Variants in TASP1 observed in about 807,000 individuals in gnomAD.
TASP1 encodes taspase 1, also known as threonine aspartase 1.
TASP1 carries 16 observed loss-of-function variants against 56.6 expected under a neutral mutation model. The ratio of observed to expected loss-of-function variants is 0.28; its 90% CI spans 0.19 to 0.43. The LOEUF (loss-of-function observed/expected upper bound fraction) is 0.43, where lower values mean the gene tolerates loss of function less well. TASP1 is among the 20% of genes least tolerant of loss of function. TASP1 has a pLI of 1.00. For synonymous variants in TASP1, 179 were observed against 184.2 expected, an observed-to-expected ratio of 0.97 and a Z score of 0.23; for missense variants, 393 against 511.6, an observed-to-expected ratio of 0.77 and a Z score of 2.24.
intron 12 of TASP1, among the ~76,000 whole-genome samples, chr20:13,428,375 A>G (rs568947581): frequency 6.6e-6 from 1 of 152,280 alleles, no homozygotes; most frequent in South Asian, 2.1e-4. Context: ...TTTTCACCAG[A>G]AGACTTGGTT....
At chr20:13,195,906 A>G in the TASP1 span, among the ~76,000 whole-genome samples, 1,518 of 152,326 alleles carry the variant, frequency 1.0e-2, 36 homozygotes, top group African/African-American at 0.034. Context: ...CGGGCTAACT[A>G]AGGGGTCAAG....
At chr20:13,632,828 A>G (rs1398243453) in intron 1 of TASP1, among the ~76,000 whole-genome samples, 1 of 152,248 alleles carries the variant, frequency 6.6e-6, no homozygotes, top group Non-Finnish European at 1.5e-5. Flanking sequence ...AAGAGTGCCA[A>G]CAAAAGACAA....
the TASP1 span, among the ~76,000 whole-genome samples, chr20:13,330,089 T>C: frequency 6.6e-6 from 1 of 152,040 alleles, no homozygotes; most frequent in East Asian, 1.9e-4. Flanking sequence ...CCCGAGTAGC[T>C]GGGATTACAG....
the TASP1 span, among the ~76,000 whole-genome samples, chr20:13,333,264 C>T: frequency 2.0e-5 from 3 of 152,172 alleles, no homozygotes; most frequent in Non-Finnish European, 4.4e-5. Context: ...ACACTTGACT[C>T]CCTGGGAAAT....
intron 13 of TASP1, among the ~76,000 whole-genome samples, chr20:13,413,901 A>G (rs942628836): frequency 7.2e-5 from 11 of 152,110 alleles, no homozygotes; most frequent in African/African-American, 2.7e-4. Flanking sequence ...AATATTGTCC[A>G]TATTATGGCC....
At chr20:13,469,595 C>T (rs1043986815) in intron 11 of TASP1, among the ~76,000 whole-genome samples, 6 of 152,086 alleles carry the variant, frequency 3.9e-5, no homozygotes, top group African/African-American at 1.4e-4. Context: ...TTCCCACACA[C>T]ACTGACTCAG....
intron 13 of TASP1, among the ~76,000 whole-genome samples, chr20:13,414,804 G>T (rs1021646047): frequency 1.3e-5 from 2 of 151,046 alleles, no homozygotes; most frequent in African/African-American, 4.9e-5. Context: ...TGATTTAATT[G>T]CAAGAACATT....
the TASP1 span, among the ~76,000 whole-genome samples, chr20:13,327,405 C>T: frequency 1.3e-5 from 2 of 152,002 alleles, no homozygotes; most frequent in South Asian, 2.1e-4. Context: ...AGATTCAGTG[C>T]TATCCCATTA....
At chr20:13,408,763 T>C (rs1264298242) in intron 13 of TASP1, among the ~76,000 whole-genome samples, 1 of 152,176 alleles carries the variant, frequency 6.6e-6, no homozygotes, top group Non-Finnish European at 1.5e-5. Flanking sequence ...ATCCAGTTGC[T>C]GCCTCTGTTG....
intron 6 of TASP1, among the ~76,000 whole-genome samples, chr20:13,578,795 T>C (rs2047015852): frequency 6.6e-6 from 1 of 152,198 alleles, no homozygotes; most frequent in African/African-American, 2.4e-5. Context: ...GACTTGCAGT[T>C]CTTACTGATC....
intron 10 of TASP1, among the ~76,000 whole-genome samples, chr20:13,511,931 G>T (rs748412914): frequency 1.2e-4 from 18 of 152,038 alleles, no homozygotes; most frequent in Non-Finnish European, 2.4e-4. Flanking sequence ...CAAAGGACAT[G>T]AACTCATCCT....
chr20:13,346,890 C>T, the TASP1 span, among the ~76,000 whole-genome samples: 3 of 152,194 alleles, frequency 2.0e-5, no homozygotes, highest in African/African-American at 7.2e-5. Context: ...TGCCTTTAGG[C>T]AATAATCAGG....
the TASP1 span, among the ~76,000 whole-genome samples, chr20:13,119,355 G>A: frequency 4.6e-5 from 7 of 152,230 alleles, no homozygotes; most frequent in East Asian, 3.9e-4. Context: ...AAAGGCTCGC[G>A]ACTAGCAGAA....
intron 10 of TASP1, among the ~76,000 whole-genome samples, chr20:13,522,096 C>G (rs1482333683): frequency 6.6e-6 from 1 of 152,096 alleles, no homozygotes; most frequent in Non-Finnish European, 1.5e-5. Flanking sequence ...TGCAAAGGAG[C>G]CACCGTAGCT....
At chr20:13,455,037 G>A (rs2043776270) in intron 11 of TASP1, among the ~76,000 whole-genome samples, 1 of 152,054 alleles carries the variant, frequency 6.6e-6, no homozygotes, top group Non-Finnish European at 1.5e-5. Context: ...TTGGGCTGTG[G>A]AGAATCTTTT....
At chr20:13,138,646 C>A in the TASP1 span, among the ~76,000 whole-genome samples, 4 of 152,158 alleles carry the variant, frequency 2.6e-5, no homozygotes, top group Non-Finnish European at 2.9e-5. Flanking sequence ...AATGTTATTT[C>A]TTTGGAGGTT....
intron 7 of TASP1, among the ~76,000 whole-genome samples, chr20:13,565,300 A>T (rs919793239): frequency 6.6e-6 from 1 of 152,146 alleles, no homozygotes; most frequent in African/African-American, 2.4e-5. Flanking sequence ...TTAGAAAACA[A>T]CATAGGGGAA....
the TASP1 span, among the ~76,000 whole-genome samples, chr20:13,162,858 T>C: frequency 1.2e-3 from 184 of 152,206 alleles, no homozygotes; most frequent in African/African-American, 4.2e-3. Context: ...GCCACTCCCA[T>C]CTTCCTGTCA....
chr20:13,513,490 T>C (rs2044413843), intron 10 of TASP1, among the ~76,000 whole-genome samples: 1 of 152,006 alleles, frequency 6.6e-6, no homozygotes, highest in Non-Finnish European at 1.5e-5. Context: ...AGAAGATATT[T>C]AGCTCATCTC....
Sources: gnomAD v4.1 joint callset for allele counts (sites outside exome capture counted in the v4.1 genomes callset) on GRCh38, gnomAD v4.1.1 for gene constraint, MANE v1.5 for transcripts, NCBI Gene and HGNC (gene_info 2026-07-23, HGNC 2026-07-21) for gene names.